Variants in PPARGC1A observed in about 807,000 individuals in gnomAD.
PPARGC1A encodes peroxisome proliferator-activated receptor gamma coactivator 1-alpha.
A neutral mutation model predicts 88.7 loss-of-function variants in PPARGC1A; 25 were observed. The ratio of observed to expected loss-of-function variants is 0.28; its 90% CI spans 0.21 to 0.39. PPARGC1A has a LOEUF of 0.39. Among genes scored for constraint, PPARGC1A ranks in the 10% least tolerant of loss-of-function variants. The pLI, the probability that PPARGC1A is intolerant of heterozygous loss-of-function variation, is 1.00. For synonymous variants in PPARGC1A, 363 were observed against 355.6 expected (o/e 1.02, Z -0.24); for missense variants, 880 against 968.7 (o/e 0.91, Z 1.22).
chr4:24,404,620 G>A, the PPARGC1A span, among the ~76,000 whole-genome samples: 2 of 152,102 alleles, frequency 1.3e-5, no homozygotes, highest in African/African-American at 2.4e-5. Flanking sequence ...GCAACTCAAG[G>A]CCTTCTTGAT....
the PPARGC1A span, among the ~76,000 whole-genome samples, chr4:23,980,185 C>CAAAAA: frequency 8.9e-5 from 8 of 89,500 alleles, no homozygotes; most frequent in African/African-American, 3.0e-4. Context: ...TCCCAGCCAG[C>CAAAAA]AAAAAAAAAA....
intron 2 of PPARGC1A, chr4:23,883,505 TG>T (rs1716338251): frequency 6.6e-6 from 1 of 152,220 alleles, no homozygotes; most frequent in African/African-American, 2.4e-5. Flanking sequence ...CCGATAAATT[TG>T]GGGTTCAAAT....
At chr4:24,270,587 T>C in the PPARGC1A span, among the ~76,000 whole-genome samples, 3 of 152,108 alleles carry the variant, frequency 2.0e-5, no homozygotes, top group Admixed American at 1.3e-4. Context: ...ATTCACTACA[T>C]AGAAAAAAAT....
At chr4:24,071,453 C>T in the PPARGC1A span, among the ~76,000 whole-genome samples, 9 of 151,902 alleles carry the variant, frequency 5.9e-5, no homozygotes, top group East Asian at 1.7e-3. Flanking sequence ...TATGCCATTC[C>T]TTTTATCAAT....
At chr4:23,809,991 A>C (rs1423240194) in intron 10 of PPARGC1A, among the ~76,000 whole-genome samples, 1 of 152,164 alleles carries the variant, frequency 6.6e-6, no homozygotes, top group Non-Finnish European at 1.5e-5. Context: ...GTGTATTTTT[A>C]TCTGCCAGTA....
intron 2 of PPARGC1A, among the ~76,000 whole-genome samples, chr4:23,852,694 T>C (rs1273457697): frequency 2.0e-5 from 3 of 152,208 alleles, no homozygotes; most frequent in Non-Finnish European, 2.9e-5. Flanking sequence ...TCCCATGAAA[T>C]ATTGGTTAAG....
At chr4:23,899,458 G>T (rs1480531710), upstream of PPARGC1A, 1 of 152,154 alleles carries the variant, frequency 6.6e-6, no homozygotes, top group African/African-American at 2.4e-5. Flanking sequence ...CAAAACTACA[G>T]CTAATAATTT....
the PPARGC1A span, among the ~76,000 whole-genome samples, chr4:24,369,616 A>G: frequency 6.6e-6 from 1 of 152,208 alleles, no homozygotes; most frequent in Non-Finnish European, 1.5e-5. Flanking sequence ...AAGAAATATA[A>G]AACATCAAAC....
chr4:24,229,531 C>T, the PPARGC1A span, among the ~76,000 whole-genome samples: 1 of 151,156 alleles, frequency 6.6e-6, no homozygotes, highest in African/African-American at 2.4e-5. Flanking sequence ...CAAAAGAAAT[C>T]TTTCTTTAAA....
chr4:24,160,188 G>T, the PPARGC1A span, among the ~76,000 whole-genome samples: 1 of 152,154 alleles, frequency 6.6e-6, no homozygotes, highest in African/African-American at 2.4e-5. Context: ...TTCTTTCTCT[G>T]CAGGGTTGCA....
the PPARGC1A span, among the ~76,000 whole-genome samples, chr4:24,391,293 T>C: frequency 6.6e-6 from 1 of 152,162 alleles, no homozygotes; most frequent in Non-Finnish European, 1.5e-5. Flanking sequence ...TCTCTGACTA[T>C]TCATCCAAAT....
chr4:24,387,762 G>GAAACAA, the PPARGC1A span, among the ~76,000 whole-genome samples: 1 of 73,044 alleles, frequency 1.4e-5, no homozygotes, highest in East Asian at 4.4e-4. Context: ...GAGAGAGAGA[G>GAAACAA]AGAGAGAAAG....
At chr4:24,333,765 T>G in the PPARGC1A span, among the ~76,000 whole-genome samples, 1 of 151,786 alleles carries the variant, frequency 6.6e-6, no homozygotes, top group Non-Finnish European at 1.5e-5. Context: ...AAAACCCTGA[T>G]TCTACTAAAA....
chr4:24,336,651 C>T, the PPARGC1A span, among the ~76,000 whole-genome samples: 1 of 152,208 alleles, frequency 6.6e-6, no homozygotes, highest in Non-Finnish European at 1.5e-5. Context: ...TAATTCTCAT[C>T]AACATCATTA....
the PPARGC1A span, among the ~76,000 whole-genome samples, chr4:24,032,040 T>A: frequency 2.0e-5 from 3 of 152,300 alleles, no homozygotes; most frequent in African/African-American, 7.2e-5. Flanking sequence ...TGTATGACAT[T>A]CTTTTTTGAG....
At chr4:24,349,723 C>T in the PPARGC1A span, among the ~76,000 whole-genome samples, 1 of 152,180 alleles carries the variant, frequency 6.6e-6, no homozygotes, top group Non-Finnish European at 1.5e-5. Flanking sequence ...CCGAAGCTAT[C>T]TGCCTCCCAA....
the PPARGC1A span, among the ~76,000 whole-genome samples, chr4:24,173,846 C>G: frequency 1.3e-5 from 2 of 152,210 alleles, no homozygotes; most frequent in African/African-American, 4.8e-5. Context: ...TATCACCCAT[C>G]ATTGCCACTA....
the PPARGC1A span, among the ~76,000 whole-genome samples, chr4:24,025,520 C>T: frequency 4.6e-5 from 7 of 152,224 alleles, no homozygotes; most frequent in South Asian, 1.5e-3. Flanking sequence ...TCCTCCCAGC[C>T]CCACCCCCTT....
At chr4:23,873,868 T>C (rs1714116443) in intron 2 of PPARGC1A, among the ~76,000 whole-genome samples, 2 of 152,004 alleles carry the variant, frequency 1.3e-5, no homozygotes, top group African/African-American at 4.8e-5. Context: ...AGCCTCCAAG[T>C]ACTAGCTGAA....
Sources: gnomAD v4.1 joint callset for allele counts (sites outside exome capture counted in the v4.1 genomes callset) on GRCh38, gnomAD v4.1.1 for gene constraint, MANE v1.5 for transcripts, NCBI Gene and HGNC (gene_info 2026-07-23, HGNC 2026-07-21) for gene names.